CNTN4: variants seen among roughly 807,000 people sequenced by gnomAD.
CNTN4 encodes the protein contactin 4.
Under a neutral mutation model 122.5 loss-of-function variants are expected in CNTN4, and 77 were observed. That is an observed-to-expected ratio of 0.63 (90% confidence interval 0.52 to 0.76). CNTN4 has a LOEUF of 0.76. CNTN4 is among the 30% of genes least tolerant of loss of function. CNTN4 has a pLI of 0.00. For synonymous variants in CNTN4, 512 were observed against 447.0 expected, an observed-to-expected ratio of 1.15 and a Z score of -1.83; for missense variants, 1,256 against 1,259.1, an observed-to-expected ratio of 1.00 and a Z score of 0.04.
chr3:2,355,818 G>C (rs1228850221), intron 3 of CNTN4, among the ~76,000 whole-genome samples: 1 of 152,184 alleles, frequency 6.6e-6, no homozygotes, highest in Non-Finnish European at 1.5e-5. Flanking sequence ...CTAAGATAAA[G>C]AGTTGCATTC....
At chr3:2,362,964 T>A (rs1240890921) in intron 3 of CNTN4, among the ~76,000 whole-genome samples, 1 of 152,256 alleles carries the variant, frequency 6.6e-6, no homozygotes, top group East Asian at 1.9e-4. Context: ...ACAGACTGTT[T>A]TTTTTCCTTT....
chr3:2,946,257 A>G (rs907982033), intron 13 of CNTN4, among the ~76,000 whole-genome samples: 3 of 152,158 alleles, frequency 2.0e-5, no homozygotes, highest in African/African-American at 4.8e-5. Context: ...ATAGGAGTGT[A>G]TGAGAATCTC....
intron 4 of CNTN4, among the ~76,000 whole-genome samples, chr3:2,657,853 A>T (rs1014141146): frequency 6.6e-6 from 1 of 151,666 alleles, no homozygotes; most frequent in African/African-American, 2.4e-5. Context: ...GGCATATGAA[A>T]TAAAACCCTC....
At chr3:2,960,174 A>G (rs1577407054) in intron 13 of CNTN4, among the ~76,000 whole-genome samples, 1 of 152,296 alleles carries the variant, frequency 6.6e-6, no homozygotes, top group African/African-American at 2.4e-5. Flanking sequence ...CTACATCCCT[A>G]GTGAAAATTG....
intron 3 of CNTN4, among the ~76,000 whole-genome samples, chr3:2,533,762 C>G (rs968357735): frequency 2.6e-5 from 4 of 152,188 alleles, no homozygotes; most frequent in Admixed American, 6.5e-5. Flanking sequence ...CACATCCTCT[C>G]CAGCACCTGT....
At chr3:2,498,387 T>G (rs1164251212) in intron 3 of CNTN4, among the ~76,000 whole-genome samples, 2 of 152,198 alleles carry the variant, frequency 1.3e-5, no homozygotes, top group African/African-American at 2.4e-5. Context: ...CTCCTAGCAA[T>G]GTATGAGTGA....
At chr3:2,284,981 T>C (rs1379940925) in intron 2 of CNTN4, among the ~76,000 whole-genome samples, 2 of 151,976 alleles carry the variant, frequency 1.3e-5, no homozygotes, top group Non-Finnish European at 2.9e-5. Flanking sequence ...GGATAGTTTT[T>C]ATTCTCTCTA....
rs1365382806 is a variant in CNTN4, at chr3:2,604,628, G to A, written c.55+33070G>A. ...GTGAAGGTTTCTAGATGATAGAAGA[G>A]GAAATGCAGAGCCCTAAGCAGGATT... On this transcript the variant is annotated intron_variant, in intron 4 of 24. Transcript: ENST00000418658. Among the ~76,000 whole-genome samples, 2 of 152,174 alleles carry A rather than the reference G, an allele frequency of 1.3e-5. 1 individual carries two copies. The highest frequency in any genetic ancestry group is 4.1e-4 in the South Asian group (2 of 4,822).
At chr3:2,197,068 A>AAAAAAAAAAAAG (rs1559333924) in intron 2 of CNTN4, among the ~76,000 whole-genome samples, 3 of 139,792 alleles carry the variant, frequency 2.1e-5, no homozygotes, top group Non-Finnish European at 4.5e-5. Context: ...AAAAAAAAAA[A>AAAAAAAAAAAAG]AAGAAGAAGA....
chr3:2,431,663 G>C (rs1353687641), intron 3 of CNTN4, among the ~76,000 whole-genome samples: 1 of 152,176 alleles, frequency 6.6e-6, no homozygotes, highest in Non-Finnish European at 1.5e-5. Flanking sequence ...GGACACAGTA[G>C]AGAGCAAAGA....
intron 13 of CNTN4, among the ~76,000 whole-genome samples, chr3:2,960,668 A>C (rs1309446607): frequency 6.6e-6 from 1 of 152,180 alleles, no homozygotes; most frequent in Non-Finnish European, 1.5e-5. Context: ...AAGAGAGACA[A>C]CTTTCTCCTG....
chr3:2,936,007 A>G (rs1282134878), intron 13 of CNTN4, among the ~76,000 whole-genome samples: 7 of 152,238 alleles, frequency 4.6e-5, no homozygotes, highest in Non-Finnish European at 8.8e-5. Flanking sequence ...GCAGGAGGAG[A>G]TAAAACTGGG....
At chr3:2,223,264 G>A (rs772532987) in intron 2 of CNTN4, among the ~76,000 whole-genome samples, 1 of 152,150 alleles carries the variant, frequency 6.6e-6, no homozygotes, top group South Asian at 2.1e-4. Flanking sequence ...CCCTGTGGGT[G>A]TCCGTGGTGG....
chr3:2,673,559 G>C (rs190006039), intron 4 of CNTN4, among the ~76,000 whole-genome samples: 1 of 151,714 alleles, frequency 6.6e-6, no homozygotes, highest in Non-Finnish European at 1.5e-5. Flanking sequence ...GTTTTGTTTC[G>C]AGGTGGTGTC....
chr3:2,639,375 C>T (rs202038806), intron 4 of CNTN4, among the ~76,000 whole-genome samples: 2 of 152,166 alleles, frequency 1.3e-5, no homozygotes, highest in African/African-American at 4.8e-5. Context: ...TCCCTCAGAT[C>T]AGTGCTTGCC....
intron 3 of CNTN4, among the ~76,000 whole-genome samples, chr3:2,363,960 G>A (rs915954708): frequency 1.3e-5 from 2 of 152,096 alleles, no homozygotes; most frequent in African/African-American, 4.8e-5. Flanking sequence ...CCAGTTATAT[G>A]ATCTCTTCTT....
intron 3 of CNTN4, among the ~76,000 whole-genome samples, chr3:2,493,147 TA>T (rs2076363506): frequency 6.6e-6 from 1 of 152,158 alleles, no homozygotes; most frequent in African/African-American, 2.4e-5. Context: ...AAGAAGATAA[TA>T]TAGAGAGTGT....
At chr3:2,818,912 A>G (rs900386859) in intron 6 of CNTN4, among the ~76,000 whole-genome samples, 1 of 152,222 alleles carries the variant, frequency 6.6e-6, no homozygotes, top group African/African-American at 2.4e-5. Flanking sequence ...TTTGTATATA[A>G]AGAGAGACAG....
chr3:2,206,058 CTTTA>C (rs1342012882), intron 2 of CNTN4, among the ~76,000 whole-genome samples: 1 of 152,012 alleles, frequency 6.6e-6, no homozygotes, highest in East Asian at 1.9e-4. Flanking sequence ...AGTGTTTCAC[CTTTA>C]TTTGTTTTAT....
Sources: gnomAD v4.1 joint callset for allele counts (sites outside exome capture counted in the v4.1 genomes callset) on GRCh38, gnomAD v4.1.1 for gene constraint, MANE v1.5 for transcripts, NCBI Gene and HGNC (gene_info 2026-07-23, HGNC 2026-07-21) for gene names.